The following PAK5 variants were observed in gnomAD, a reference collection of about 807,000 sequenced individuals.
PAK5 encodes p21 (RAC1) activated kinase 5.
Under a neutral mutation model 65.9 loss-of-function variants are expected in PAK5, and 16 were observed. That is an observed-to-expected ratio of 0.24 (90% CI 0.16 to 0.37). PAK5 has a LOEUF of 0.37. Among genes scored for constraint, PAK5 ranks in the 10% least tolerant of loss-of-function variants. The pLI is 1.00. For synonymous variants in PAK5, 371 were observed against 354.9 expected, an observed-to-expected ratio of 1.05 and a Z score of -0.51; for missense variants, 785 against 903.9, an observed-to-expected ratio of 0.87 and a Z score of 1.69.
intron 2 of PAK5, among the ~76,000 whole-genome samples, chr20:9,678,539 C>G (rs1479546042): frequency 6.6e-6 from 1 of 152,150 alleles, no homozygotes. Flanking sequence ...TGCACTCCAG[C>G]CTGGGTGACA....
chr20:9,681,061 G>A (rs906996332), intron 2 of PAK5, among the ~76,000 whole-genome samples: 4 of 152,084 alleles, frequency 2.6e-5, no homozygotes, highest in Admixed American at 6.6e-5. Context: ...TCTATGTTGA[G>A]GCTGTATTAT....
At chr20:9,822,003 T>C (rs574667059) in intron 1 of PAK5, among the ~76,000 whole-genome samples, 1 of 152,280 alleles carries the variant, frequency 6.6e-6, no homozygotes, top group East Asian at 1.9e-4. Flanking sequence ...CCTACAAGAA[T>C]GCAGGCCCGG....
At position 9,610,827 on chromosome 20, in the gene PAK5, G is replaced by A. The variant is rs548051369; in HGVS notation, c.205-29897C>T. Among the ~76,000 whole-genome samples the A allele has an allele frequency of 2.0e-5, 3 of 152,304 alleles. No individual in the cohort carries two copies. In the South Asian group the frequency reaches 6.2e-4, roughly 32 times the overall value. ...TCCCAGTGTGAGGTGGGGCTGTCAG[G>A]AGGTGGCTATGTCATGAATGAGATT... On this transcript the variant is annotated intron_variant, in intron 3 of 9. Coordinates refer to ENST00000353224, the MANE Select transcript of PAK5 (RefSeq NM_177990.4).
intron 1 of PAK5, among the ~76,000 whole-genome samples, chr20:9,716,301 G>A (rs145212826): frequency 3.3e-4 from 50 of 152,262 alleles, no homozygotes; most frequent in Middle Eastern, 3.4e-3. Flanking sequence ...TTCAAAATAG[G>A]CTAAAATATA....
chr20:9,830,026 G>T (rs981920042), intron 1 of PAK5, among the ~76,000 whole-genome samples: 1 of 152,108 alleles, frequency 6.6e-6, no homozygotes, highest in Non-Finnish European at 1.5e-5. Context: ...AGCCCCATGA[G>T]CAGTGAATTC....
chr20:9,757,071 C>A (rs941190449), intron 1 of PAK5, among the ~76,000 whole-genome samples: 1 of 152,088 alleles, frequency 6.6e-6, no homozygotes, highest in African/African-American at 2.4e-5. Context: ...ATAATGGCAA[C>A]TCATTTGAAA....
At chr20:9,826,154 T>G (rs1343029607) in intron 1 of PAK5, among the ~76,000 whole-genome samples, 1 of 152,180 alleles carries the variant, frequency 6.6e-6, no homozygotes, top group Admixed American at 6.5e-5. Context: ...TATGTGTCTG[T>G]ATTTGTGTGT....
chr20:9,679,887 G>A (rs918947727), intron 2 of PAK5, among the ~76,000 whole-genome samples: 5 of 152,204 alleles, frequency 3.3e-5, no homozygotes, highest in Admixed American at 3.3e-4. Context: ...CTTTTCATCA[G>A]CCTTGCTTTT....
rs191286303 is a variant in PAK5, at chr20:9,829,086, C to T, written c.-162+9676G>A. Among the ~76,000 whole-genome samples the T allele has an allele frequency of 8.2e-4, 125 of 152,240 alleles. 1 individual carries two copies. In the Middle Eastern group the frequency reaches 0.017, roughly 21 times the overall value. ...CCATTGAAAATTAGCTAAGGAAATC[C>T]CACAACTGGACATCTGTTTAAAAAT... On this transcript the variant is annotated intron_variant, in intron 1 of 9. Transcript: ENST00000353224.
intron 3 of PAK5, among the ~76,000 whole-genome samples, chr20:9,613,965 A>T (rs1457770354): frequency 6.6e-6 from 1 of 152,220 alleles, no homozygotes; most frequent in African/African-American, 2.4e-5. Flanking sequence ...ACAAGGCATA[A>T]AAAAAGGTAA....
At chr20:9,617,370 C>T (rs2123168022) in intron 3 of PAK5, among the ~76,000 whole-genome samples, 1 of 152,124 alleles carries the variant, frequency 6.6e-6, no homozygotes, top group South Asian at 2.1e-4. Context: ...GGATTGGGCC[C>T]CAGATCTGTA....
intron 1 of PAK5, among the ~76,000 whole-genome samples, chr20:9,719,832 C>A (rs1329025257): frequency 6.6e-6 from 1 of 152,116 alleles, no homozygotes; most frequent in Non-Finnish European, 1.5e-5. Context: ...GGATTAAATA[C>A]AATGATGTAT....
chr20:9,577,423 A>AGTACACACACACATGTGTACACACACG (rs1185430051), intron 4 of PAK5: 2 of 151,794 alleles, frequency 1.3e-5, no homozygotes, highest in African/African-American at 4.8e-5. Context: ...GTACACACAC[A>AGTACACACACACATGTGTACACACACG]TGACCCTCCT....
At chr20:9,774,515 T>A (rs2048866718) in intron 1 of PAK5, among the ~76,000 whole-genome samples, 1 of 152,178 alleles carries the variant, frequency 6.6e-6, no homozygotes, top group South Asian at 2.1e-4. Context: ...GCAATTATAT[T>A]CTTCAGTATT....
At chr20:9,774,926 A>C (rs1051385292) in intron 1 of PAK5, among the ~76,000 whole-genome samples, 20 of 152,344 alleles carry the variant, frequency 1.3e-4, no homozygotes, top group African/African-American at 4.6e-4. Flanking sequence ...ACCGCACTCC[A>C]GCCTGGGCGG....
intron 1 of PAK5, among the ~76,000 whole-genome samples, chr20:9,821,881 T>A (rs945932717): frequency 1.3e-5 from 2 of 152,194 alleles, no homozygotes; most frequent in Non-Finnish European, 2.9e-5. Context: ...CTTTCCCAAG[T>A]TTCAAGATAG....
At chr20:9,665,614 C>A (rs114660724) in intron 2 of PAK5, among the ~76,000 whole-genome samples, 197 of 152,004 alleles carry the variant, frequency 1.3e-3, no homozygotes, top group African/African-American at 4.6e-3. Context: ...TCCTGATTAG[C>A]TGGGACTACA....
intron 3 of PAK5, among the ~76,000 whole-genome samples, chr20:9,639,616 T>G (rs2047025508): frequency 6.6e-6 from 1 of 152,240 alleles, no homozygotes; most frequent in Non-Finnish European, 1.5e-5. Flanking sequence ...TATCTTCCAG[T>G]CATCACCCAG....
At chr20:9,813,858 G>A (rs2049325826) in intron 1 of PAK5, among the ~76,000 whole-genome samples, 1 of 152,182 alleles carries the variant, frequency 6.6e-6, no homozygotes, top group African/African-American at 2.4e-5. Context: ...TTGTACAAAG[G>A]TGTGCTCACT....
Sources: allele counts gnomAD v4.1 joint callset (sites outside exome capture counted in the v4.1 genomes callset), GRCh38; gene constraint gnomAD v4.1.1; transcripts MANE v1.5; gene names NCBI Gene and HGNC (gene_info 2026-07-23, HGNC 2026-07-21).